Variants in FOXP2 observed in about 807,000 individuals in gnomAD.
The protein encoded by FOXP2 is forkhead box P2.
Under a neutral mutation model 115.8 loss-of-function variants are expected in FOXP2, and 12 were observed. The observed-to-expected ratio is 0.10, with a 90% CI of 0.07 to 0.17. The LOEUF is 0.17. Among genes scored for constraint, FOXP2 ranks in the 10% least tolerant of loss-of-function variants. The pLI is 1.00. For missense variants in FOXP2, 629 were observed against 843.5 expected (o/e 0.75, Z 3.15); for synonymous variants, 328 against 297.7 (o/e 1.10, Z -1.05).
At chr7:114,177,594 A>C (rs1262309136) in intron 1 of FOXP2, among the ~76,000 whole-genome samples, 1 of 152,038 alleles carries the variant, frequency 6.6e-6, no homozygotes, top group African/African-American at 2.4e-5. Flanking sequence ...TTGTGCATCT[A>C]TTTGAGAGTT....
chr7:114,276,332 A>G (rs943437266), intron 1 of FOXP2, among the ~76,000 whole-genome samples: 2 of 151,556 alleles, frequency 1.3e-5, no homozygotes, highest in Admixed American at 6.6e-5. Flanking sequence ...TAATTTTTAT[A>G]TTTTGTATTT....
In FOXP2 at chr7:114,691,243, A is replaced by AT. The variant is rs1417366174; in HGVS notation, c.*1324dup. On this transcript the variant is annotated 3_prime_UTR_variant, in exon 17 of 17. Transcript: ENST00000350908. Reference sequence around the variant, plus strand: ...ATGGTCTTAATCTTTGTTGTGTACTATTTTTTTATAGTCTTAAGTTATAAT... The same window carrying AT: ...ATGGTCTTAATCTTTGTTGTGTACTATTTTTTTTATAGTCTTAAGTTATAAT... 6 of 453,454 alleles carry AT rather than the reference A, an allele frequency of 1.3e-5. No individual in the cohort carries two copies. The highest frequency in any genetic ancestry group is 2.6e-5 in the Non-Finnish European group (6 of 226,686). 28.1% of individuals were successfully genotyped at this position (453,454 alleles called of 1,614,324 possible). A position where few individuals can be genotyped will look rare whatever the true frequency, so the allele number is the denominator to read the frequency against.
At chr7:114,260,965 A>T (rs1357714730) in intron 1 of FOXP2, among the ~76,000 whole-genome samples, 1 of 152,230 alleles carries the variant, frequency 6.6e-6, no homozygotes, top group East Asian at 1.9e-4. Context: ...GGTTTGGTAC[A>T]TGAAACAAAA....
chr7:114,573,091 G>C (rs1212985046), intron 3 of FOXP2, among the ~76,000 whole-genome samples: 1 of 151,806 alleles, frequency 6.6e-6, no homozygotes, highest in Non-Finnish European at 1.5e-5. Context: ...GAAAGGAGGA[G>C]CATAGCAGTG....
intron 1 of FOXP2, among the ~76,000 whole-genome samples, chr7:114,188,900 T>C (rs1014532057): frequency 6.6e-6 from 1 of 152,198 alleles, no homozygotes; most frequent in Non-Finnish European, 1.5e-5. Context: ...CATTTGTTTA[T>C]TAATAAACTC....
At chr7:114,293,862 A>T (rs918787736) in intron 2 of FOXP2, among the ~76,000 whole-genome samples, 2 of 152,110 alleles carry the variant, frequency 1.3e-5, no homozygotes, top group African/African-American at 4.8e-5. Flanking sequence ...TCTTCATAGG[A>T]GCGTGAGAAC....
chr7:114,157,203 A>G lies in FOXP2; in HGVS notation c.-246-5741A>G, dbSNP rs1318640738. On this transcript the variant is annotated intron_variant, in intron 1 of 19. Coordinates refer to the FOXP2 transcript ENST00000635638. ...TAAGAAAAACACAGATGAATAATAC[A>G]TTCTCTATTTTCAAATAATTTTAAA... is the stretch of plus-strand genomic sequence containing the variant. 4.6e-5 allele frequency among the ~76,000 whole-genome samples: 7 copies of G among 152,178 alleles called. No homozygotes were observed. The South Asian group carries it at 1.2e-3, about 27-fold the overall frequency.
chr7:114,297,328 T>A, intron 2 of FOXP2: 2 of 593,790 alleles, frequency 3.4e-6, no homozygotes, highest in South Asian at 3.4e-5. Context: ...GTGTGCTTGG[T>A]CAGGCGCCCG....
chr7:114,621,330 A>G (rs949429174), intron 3 of FOXP2, among the ~76,000 whole-genome samples: 8 of 152,076 alleles, frequency 5.3e-5, no homozygotes, highest in African/African-American at 1.7e-4. Context: ...TGATTTATGT[A>G]CAATATAAGG....
chr7:114,529,486 T>G (rs1799034593), intron 2 of FOXP2, among the ~76,000 whole-genome samples: 1 of 151,868 alleles, frequency 6.6e-6, no homozygotes, highest in Non-Finnish European at 1.5e-5. Flanking sequence ...AGTACTCTTA[T>G]TATAGTGTAG....
chr7:114,291,152 T>A (rs1796578470), intron 2 of FOXP2, among the ~76,000 whole-genome samples: 1 of 152,132 alleles, frequency 6.6e-6, no homozygotes. Context: ...CAGTAATGGG[T>A]GCTGGAAGAT....
intron 1 of FOXP2, among the ~76,000 whole-genome samples, chr7:114,274,208 A>T (rs1796128818): frequency 1.3e-5 from 2 of 152,004 alleles, no homozygotes; most frequent in Non-Finnish European, 1.5e-5. Flanking sequence ...AACAATTGTA[A>T]TTCACCTCTC....
intron 2 of FOXP2, among the ~76,000 whole-genome samples, chr7:114,362,191 A>G (rs2084026417): frequency 1.3e-5 from 2 of 152,118 alleles, no homozygotes; most frequent in African/African-American, 4.8e-5. Flanking sequence ...TGAGAAAAGT[A>G]TCAAGGACAG....
chr7:114,326,620 T>C (rs1797562662), intron 2 of FOXP2, among the ~76,000 whole-genome samples: 1 of 152,128 alleles, frequency 6.6e-6, no homozygotes, highest in South Asian at 2.1e-4. Flanking sequence ...TTTTGGTAAA[T>C]AATAAATCCA....
intron 2 of FOXP2, among the ~76,000 whole-genome samples, chr7:114,350,044 A>G (rs909689194): frequency 1.3e-5 from 2 of 152,192 alleles, no homozygotes; most frequent in African/African-American, 4.8e-5. Flanking sequence ...ATATAACAAG[A>G]AGCAAAGAGT....
At chr7:114,293,028 C>T (rs958357081) in intron 2 of FOXP2, among the ~76,000 whole-genome samples, 2 of 152,066 alleles carry the variant, frequency 1.3e-5, no homozygotes, top group African/African-American at 4.8e-5. Flanking sequence ...CCTTTGAAAC[C>T]AATTACATAT....
intron 3 of FOXP2, among the ~76,000 whole-genome samples, chr7:114,547,233 T>G (rs1384499419): frequency 6.6e-6 from 1 of 152,228 alleles, no homozygotes; most frequent in East Asian, 1.9e-4. Context: ...AACAATTGAT[T>G]CTTTTTTATC....
intron 2 of FOXP2, among the ~76,000 whole-genome samples, chr7:114,311,247 A>G (rs1469563864): frequency 5.3e-5 from 8 of 151,942 alleles, no homozygotes; most frequent in Admixed American, 1.3e-4. Flanking sequence ...TGACTGACTG[A>G]CCTGTTGTAA....
At chr7:114,350,907 G>A (rs1791471120) in intron 2 of FOXP2, among the ~76,000 whole-genome samples, 1 of 152,086 alleles carries the variant, frequency 6.6e-6, no homozygotes, top group East Asian at 1.9e-4. Flanking sequence ...ATAAAGTGGT[G>A]TAGTATTTGC....
Sources: allele counts gnomAD v4.1 joint callset (sites outside exome capture counted in the v4.1 genomes callset), GRCh38; gene constraint gnomAD v4.1.1; transcripts MANE v1.5; gene names NCBI Gene and HGNC (gene_info 2026-07-23, HGNC 2026-07-21).